Variants in EDARADD observed in about 807,000 individuals in gnomAD.
EDARADD encodes the protein ectodysplasin-A receptor-associated adapter protein.
Under a neutral mutation model 25.6 loss-of-function variants are expected in EDARADD, and 20 were observed. The observed-to-expected ratio is 0.78, with a 90% CI of 0.55 to 1.14. The LOEUF is 1.14. Ranked by LOEUF, EDARADD falls within the 50% of genes most tolerant of loss-of-function variation. EDARADD has a pLI of 0.00. For synonymous variants in EDARADD, 86 were observed against 94.4 expected (o/e 0.91, Z 0.52); for missense variants, 225 against 270.1 (o/e 0.83, Z 1.17).
intron 3 of EDARADD, among the ~76,000 whole-genome samples, chr1:236,351,318 C>T (rs1429812306): frequency 6.6e-6 from 1 of 152,096 alleles, no homozygotes; most frequent in Non-Finnish European, 1.5e-5. Context: ...GAGGGGGCTT[C>T]CTTATCATGT....
At chr1:236,474,081 T>A (rs906667247) in intron 5 of EDARADD, among the ~76,000 whole-genome samples, 3 of 152,094 alleles carry the variant, frequency 2.0e-5, no homozygotes, top group African/African-American at 7.3e-5. Flanking sequence ...AGAGGTTCAA[T>A]GCCCTGAAAC....
rs753078486 is a variant in EDARADD, at chr1:236,427,460, A to G, written c.219+10A>G. On this transcript the variant is annotated intron_variant, in intron 4 of 5. Transcript: ENST00000334232. ...AGATATGAAAAATCAGGTAAGAATA[A>G]TTTCAACTATATTTTACCCTTAGGT... 1 of 1,610,204 alleles carries G rather than the reference A, an allele frequency of 6.2e-7. No individual in the cohort carries two copies. The highest frequency in any genetic ancestry group is 8.5e-7 in the Non-Finnish European group (1 of 1,178,086).
chr1:236,352,749 G>A (rs974013633), intron 3 of EDARADD, among the ~76,000 whole-genome samples: 1 of 152,196 alleles, frequency 6.6e-6, no homozygotes, highest in African/African-American at 2.4e-5. Flanking sequence ...AGGGGAGGCT[G>A]AGGCAGGAGA....
At chr1:236,365,503 C>T (rs559508475) in intron 3 of EDARADD, among the ~76,000 whole-genome samples, 69 of 152,158 alleles carry the variant, frequency 4.5e-4, no homozygotes, top group African/African-American at 1.4e-3. Flanking sequence ...GAGTTGCTCT[C>T]GCTATGTTGC....
At chr1:236,377,592 G>T (rs1180698641) in intron 3 of EDARADD, among the ~76,000 whole-genome samples, 1 of 147,646 alleles carries the variant, frequency 6.8e-6, no homozygotes, top group Non-Finnish European at 1.5e-5. Context: ...GAGCGTGGTG[G>T]CTCACGCCTG....
chr1:236,432,445 G>C (rs1347519210), intron 4 of EDARADD, among the ~76,000 whole-genome samples: 1 of 151,494 alleles, frequency 6.6e-6, no homozygotes, highest in African/African-American at 2.4e-5. Context: ...CATGCCAAGA[G>C]GAGTCTAAGG....
chr1:236,350,419 A>C (rs1425943531), intron 2 of EDARADD, among the ~76,000 whole-genome samples: 1 of 152,114 alleles, frequency 6.6e-6, no homozygotes, highest in Non-Finnish European at 1.5e-5. Flanking sequence ...GTGCCACCAC[A>C]CCCAGCTAAT....
At chr1:236,359,750 T>C (rs760587391) in intron 3 of EDARADD, among the ~76,000 whole-genome samples, 1 of 152,166 alleles carries the variant, frequency 6.6e-6, no homozygotes, top group African/African-American at 2.4e-5. Context: ...ACTTACTCAC[T>C]ATCATGAGAA....
intron 5 of EDARADD, among the ~76,000 whole-genome samples, chr1:236,480,573 A>C (rs186501601): frequency 2.0e-5 from 3 of 152,168 alleles, no homozygotes; most frequent in Admixed American, 6.5e-5. Context: ...TTACCTTCCG[A>C]AACTGGGAAG....
chr1:236,419,669 TGA>T (rs929144556), intron 3 of EDARADD, among the ~76,000 whole-genome samples: 4 of 152,300 alleles, frequency 2.6e-5, no homozygotes, highest in Admixed American at 6.5e-5. Context: ...GCAGGAGAGC[TGA>T]GAGCGAGGCA....
chr1:236,354,070 T>C (rs1666948719), intron 3 of EDARADD, among the ~76,000 whole-genome samples: 1 of 152,152 alleles, frequency 6.6e-6, no homozygotes, highest in Admixed American at 6.6e-5. Flanking sequence ...GCCTTGCCTT[T>C]GTAATCCTGT....
In EDARADD at chr1:236,482,575, GA is replaced by G. The variant is rs1659708888; in HGVS notation, c.575del (p.Glu192GlyfsTer47). 1 of 1,613,428 alleles carries G rather than the reference GA, an allele frequency of 6.2e-7. No individual in the cohort carries two copies. The highest frequency in any genetic ancestry group is 1.3e-5 in the African/African-American group (1 of 74,918). ...CAGGCTCTACCACAGGGCCGACGTGGAGAAGGTTCTGCGCAGGTGGGTGGAC... is the reference window on the plus strand; with the variant it reads ...CAGGCTCTACCACAGGGCCGACGTGGGAAGGTTCTGCGCAGGTGGGTGGAC... ...LCRLYHRADV[E>X]KVLRRWVDEE... On this transcript the variant is annotated frameshift_variant, in exon 6 of 6. Coordinates refer to ENST00000334232, the MANE Select transcript of EDARADD (RefSeq NM_145861.4). LOFTEE classifies it high-confidence loss of function.
chr1:236,404,428 G>A (rs369775691), intron 1 of EDARADD, among the ~76,000 whole-genome samples: 8 of 152,142 alleles, frequency 5.3e-5, no homozygotes, highest in Non-Finnish European at 1.0e-4. Flanking sequence ...TAAAGGCCAG[G>A]GAGAAGGTGC....
intron 1 of EDARADD, among the ~76,000 whole-genome samples, chr1:236,401,998 G>A (rs1667622095): frequency 6.6e-6 from 1 of 152,164 alleles, no homozygotes; most frequent in Non-Finnish European, 1.5e-5. Context: ...TTTCGCTCTT[G>A]TTGCCCAGGC....
chr1:236,429,567 T>C (rs1400530285), intron 4 of EDARADD, among the ~76,000 whole-genome samples: 1 of 151,316 alleles, frequency 6.6e-6, no homozygotes, highest in African/African-American at 2.4e-5. Context: ...GAATTTTTAG[T>C]AGAGACGGGG....
rs745456566 is a variant in EDARADD, at chr1:236,483,395, G to T, written c.*746G>T. 23 of 1,316,144 alleles carry T rather than the reference G, an allele frequency of 1.7e-5. No individual in the cohort carries two copies. Among genetic ancestry groups the T allele is most frequent in the Middle Eastern group, 2.5e-4 (1 of 3,928 alleles). 81.5% of individuals were successfully genotyped at this position (1,316,144 alleles called of 1,614,324 possible). On this transcript the variant is annotated 3_prime_UTR_variant, in exon 6 of 6. Transcript: ENST00000334232. The stretch of plus-strand genomic sequence containing the variant: ...TCAATAAAACTATTGCACCTGTCCT[G>T]GTTAGCAAGAAACTGAACGTCACAG...
intron 4 of EDARADD, among the ~76,000 whole-genome samples, chr1:236,456,014 C>T (rs1303476166): frequency 1.3e-5 from 2 of 152,210 alleles, no homozygotes; most frequent in African/African-American, 4.8e-5. Flanking sequence ...TGGTCTCGAT[C>T]TGCTGACCTT....
At chr1:236,349,915 C>A (rs1216592946) in intron 2 of EDARADD, among the ~76,000 whole-genome samples, 1 of 152,154 alleles carries the variant, frequency 6.6e-6, no homozygotes, top group Non-Finnish European at 1.5e-5. Flanking sequence ...AGTTCAAGAC[C>A]AGCCTGGCCA....
chr1:236,355,149 G>T (rs186635195), intron 3 of EDARADD, among the ~76,000 whole-genome samples: 2 of 152,268 alleles, frequency 1.3e-5, no homozygotes, highest in Non-Finnish European at 2.9e-5. Flanking sequence ...TAGTTTTAAA[G>T]ACTAAGTGAG....
Sources: gnomAD v4.1 joint callset for allele counts (sites outside exome capture counted in the v4.1 genomes callset) on GRCh38, gnomAD v4.1.1 for gene constraint, MANE v1.5 for transcripts, NCBI Gene and HGNC (gene_info 2026-07-23, HGNC 2026-07-21) for gene names.